Variants in CBFA2T2 observed in about 807,000 individuals in gnomAD.
CBFA2T2 encodes protein CBFA2T2.
In CBFA2T2, 11 loss-of-function variants were observed where a neutral mutation model predicts 62.2. The observed-to-expected ratio is 0.18, with a 90% CI of 0.11 to 0.29. The LOEUF (loss-of-function observed/expected upper bound fraction) is 0.29. CBFA2T2 is among the 10% of genes least tolerant of loss of function. CBFA2T2 has a pLI of 1.00. For missense variants in CBFA2T2, 592 were observed against 774.1 expected (o/e 0.76, Z 2.79); for synonymous variants, 295 against 287.5 (o/e 1.03, Z -0.27).
chr20:33,513,834 A>AG (rs1299586977), intron 1 of CBFA2T2, among the ~76,000 whole-genome samples: 1 of 150,892 alleles, frequency 6.6e-6, no homozygotes, highest in Admixed American at 6.6e-5. Flanking sequence ...AAAAAAAAAA[A>AG]AAGAATGTTG....
chr20:33,557,168 C>G (rs2012924561), intron 1 of CBFA2T2, among the ~76,000 whole-genome samples: 1 of 151,988 alleles, frequency 6.6e-6, no homozygotes, highest in African/African-American at 2.4e-5. Flanking sequence ...GTGCCTACCA[C>G]CACGCCTGGC....
chr20:33,607,118 TTA>T lies in CBFA2T2; in HGVS notation c.178+21_178+22del. On this transcript the variant is annotated intron_variant, in intron 2 of 10. Coordinates refer to ENST00000342704, the MANE Select transcript of CBFA2T2 (RefSeq NM_001032999.3). ...ACTGCATGTGAGACCTCTTAGTTAC[TTA>T]TGTTTGTAGTTCAGAGTGACATTTG... is the stretch of plus-strand genomic sequence containing the variant. The T allele has an allele frequency of 6.2e-7, 1 of 1,608,906 alleles. No homozygotes were observed. The highest frequency in any genetic ancestry group is 8.5e-7 in the Non-Finnish European group (1 of 1,176,330).
At chr20:33,562,923 T>G (rs951277397) in intron 1 of CBFA2T2, among the ~76,000 whole-genome samples, 8 of 152,234 alleles carry the variant, frequency 5.3e-5, no homozygotes, top group African/African-American at 1.9e-4. Flanking sequence ...ATGTAGTATA[T>G]GAATTCTACA....
rs1364513127 is a variant in CBFA2T2, at chr20:33,539,678, G to GT, written c.34+49383dup. 3.4e-3 allele frequency among the ~76,000 whole-genome samples: 502 copies of GT among 145,810 alleles called. 2 individuals carry two copies. The highest frequency in any genetic ancestry group is 0.012 in the African/African-American group (489 of 40,386). On this transcript the variant is annotated intron_variant, in intron 1 of 10. Coordinates refer to ENST00000342704, the MANE Select transcript of CBFA2T2 (RefSeq NM_001032999.3). ...GTGACAGCGAAGTAAGGTTTTTTTT[G>GT]TTTTTTGTGTTTTTTTTTTTTTTGG... is the stretch of plus-strand genomic sequence containing the variant.
intron 10 of CBFA2T2, among the ~76,000 whole-genome samples, chr20:33,641,955 A>G (rs2016857328): frequency 2.0e-5 from 3 of 152,064 alleles, no homozygotes; most frequent in Non-Finnish European, 4.4e-5. Flanking sequence ...ACACATGGCA[A>G]TGTGCAGATG....
chr20:33,643,714 C>T (rs1342774276), intron 10 of CBFA2T2, among the ~76,000 whole-genome samples: 2 of 113,232 alleles, frequency 1.8e-5, no homozygotes, highest in African/African-American at 3.1e-5. Context: ...CCCAGGAGTT[C>T]AAGCGTAGCC....
At chr20:33,587,674 C>T (rs1410504092) in intron 1 of CBFA2T2, among the ~76,000 whole-genome samples, 1 of 152,344 alleles carries the variant, frequency 6.6e-6, no homozygotes, top group South Asian at 2.1e-4. Context: ...GCTGGGATTA[C>T]AGGCATGAGC....
chr20:33,506,686 T>C (rs1167094356), intron 1 of CBFA2T2, among the ~76,000 whole-genome samples: 1 of 152,114 alleles, frequency 6.6e-6, no homozygotes, highest in African/African-American at 2.4e-5. Context: ...TGCCATCGAG[T>C]GAGAGTTCTG....
chr20:33,511,420 G>C (rs1161772518), intron 1 of CBFA2T2, among the ~76,000 whole-genome samples: 1 of 151,912 alleles, frequency 6.6e-6, no homozygotes, highest in Non-Finnish European at 1.5e-5. Flanking sequence ...TGTTTTTGTC[G>C]GGTTTGTCAA....
intron 1 of CBFA2T2, among the ~76,000 whole-genome samples, chr20:33,547,507 C>A (rs979162102): frequency 1.3e-5 from 2 of 152,026 alleles, no homozygotes; most frequent in African/African-American, 4.8e-5. Flanking sequence ...GTTTGAGACC[C>A]CATCTCTACA....
Position 33,644,864 on chromosome 20 carries a change from C to T in CBFA2T2, c.*218C>T. On this transcript the variant is annotated 3_prime_UTR_variant, in exon 11 of 11. Transcript: ENST00000342704. ...CCATTCTCTGCACATGGGCAGCCAG[C>T]CTGAGCTGCCTCCTCCATGGCTTTC... 2 of 555,896 alleles carry T rather than the reference C, an allele frequency of 3.6e-6. No homozygotes were observed. The highest frequency in any genetic ancestry group is 2.5e-5 in the South Asian group (1 of 39,448). 34.4% of individuals were successfully genotyped at this position (555,896 alleles called of 1,614,324 possible). A position where few individuals can be genotyped will look rare whatever the true frequency, so the allele number is the denominator to read the frequency against.
intron 1 of CBFA2T2, among the ~76,000 whole-genome samples, chr20:33,536,374 C>T (rs2012234195): frequency 6.7e-6 from 1 of 148,764 alleles, no homozygotes; most frequent in African/African-American, 2.5e-5. Flanking sequence ...GTAGGGGCGG[C>T]CGGGCAGAGG....
intron 8 of CBFA2T2, among the ~76,000 whole-genome samples, chr20:33,632,049 C>A (rs147050196): frequency 6.6e-6 from 1 of 151,912 alleles, no homozygotes; most frequent in Non-Finnish European, 1.5e-5. Context: ...TTTGTTTGTT[C>A]GTTTTTGTTT....
chr20:33,524,275 G>A (rs931997129), intron 1 of CBFA2T2, among the ~76,000 whole-genome samples: 3 of 152,048 alleles, frequency 2.0e-5, no homozygotes, highest in Non-Finnish European at 1.5e-5. Flanking sequence ...CACAAGTCAC[G>A]TGGGCTGAGA....
At chr20:33,621,850 C>T (rs1409516133) in intron 4 of CBFA2T2, among the ~76,000 whole-genome samples, 1 of 152,140 alleles carries the variant, frequency 6.6e-6, no homozygotes, top group African/African-American at 2.4e-5. Flanking sequence ...GGCATTGAAG[C>T]CTCGGCTGCT....
At position 33,558,126 on chromosome 20, in the gene CBFA2T2, C is replaced by T. The variant is rs146766266; in HGVS notation, c.35-48830C>T. Among the ~76,000 whole-genome samples, 740 of 151,132 alleles carry T rather than the reference C, an allele frequency of 4.9e-3. 6 individuals are homozygous for T. Among genetic ancestry groups the T allele is most frequent in the African/African-American group, 0.015 (637 of 41,186 alleles). Reference sequence around the variant, plus strand: ...ACAGGTGTGAGCCACTGCGCCTGGGCGCGCTCTCTCTTTTTTTTTTTTTTT... The same window carrying T: ...ACAGGTGTGAGCCACTGCGCCTGGGTGCGCTCTCTCTTTTTTTTTTTTTTT... On this transcript the variant is annotated intron_variant, in intron 1 of 10. Transcript: ENST00000342704.
At chr20:33,553,294 T>G (rs939138030) in intron 1 of CBFA2T2, among the ~76,000 whole-genome samples, 4 of 152,212 alleles carry the variant, frequency 2.6e-5, no homozygotes, top group Non-Finnish European at 5.9e-5. Context: ...GTGCACAGTC[T>G]TGGCTCACTG....
chr20:33,508,125 C>G (rs2011435497), intron 1 of CBFA2T2, among the ~76,000 whole-genome samples: 1 of 152,070 alleles, frequency 6.6e-6, no homozygotes, highest in Non-Finnish European at 1.5e-5. Flanking sequence ...TTGATAGCCT[C>G]TTACTCTGGC....
At chr20:33,510,138 A>G (rs1161542101) in intron 1 of CBFA2T2, among the ~76,000 whole-genome samples, 2 of 151,928 alleles carry the variant, frequency 1.3e-5, no homozygotes, top group East Asian at 3.9e-4. Context: ...TGTCCCTGCA[A>G]AGGACATGAA....
Sources: allele counts gnomAD v4.1 joint callset (sites outside exome capture counted in the v4.1 genomes callset), GRCh38; gene constraint gnomAD v4.1.1; transcripts MANE v1.5; gene names NCBI Gene and HGNC (gene_info 2026-07-23, HGNC 2026-07-21).